Variants in PARP8 observed in about 807,000 individuals in gnomAD.
The protein encoded by PARP8 is protein mono-ADP-ribosyltransferase PARP8.
PARP8 carries 51 observed loss-of-function variants against 124.1 expected under a neutral mutation model. The observed-to-expected ratio is 0.41, with a 90% CI of 0.33 to 0.52. The LOEUF (loss-of-function observed/expected upper bound fraction) is 0.52, where lower values mean the gene tolerates loss of function less well. Ranked by LOEUF, PARP8 falls within the 20% of genes least tolerant of loss-of-function variation. The probability of loss-of-function intolerance (pLI) is 0.21; values close to 1 mark genes in which losing one functional copy is unlikely to be tolerated. For synonymous variants in PARP8, 391 were observed against 361.5 expected (o/e 1.08, Z -0.93); for missense variants, 860 against 1,018.9 (o/e 0.84, Z 2.12).
chr5:50,809,467 A>G (rs908056527), intron 14 of PARP8, among the ~76,000 whole-genome samples: 2 of 152,066 alleles, frequency 1.3e-5, no homozygotes, highest in African/African-American at 4.8e-5. Context: ...TTCAAAGAAA[A>G]CTATTTTTTA....
chr5:50,719,659 T>G (rs535177266), intron 2 of PARP8, among the ~76,000 whole-genome samples: 2 of 152,172 alleles, frequency 1.3e-5, no homozygotes, highest in South Asian at 4.1e-4. Context: ...TATTTCTGGG[T>G]TCCCTATTCC....
At chr5:50,781,610 C>T (rs1194122888) in intron 9 of PARP8, among the ~76,000 whole-genome samples, 1 of 152,198 alleles carries the variant, frequency 6.6e-6, no homozygotes, top group Non-Finnish European at 1.5e-5. Flanking sequence ...GCTCCCATCC[C>T]CATTTCTGCA....
In PARP8 at chr5:50,797,125, C is replaced by T. The variant is rs755751399; in HGVS notation, c.1480-13C>T. The T allele has an allele frequency of 6.2e-7, 1 of 1,609,976 alleles. No individual in the cohort carries two copies. On this transcript the variant is annotated splice_polypyrimidine_tract_variant and intron_variant, in intron 13 of 25. Coordinates refer to ENST00000281631, the MANE Select transcript of PARP8 (RefSeq NM_024615.4). ...AGCTTGTCTTAATTATTTTTCCTTA[C>T]TGTTTTATTCAGACAATTGAGTTTG...
At chr5:50,707,658 AGAGAG>A (rs1233888385) in intron 2 of PARP8, among the ~76,000 whole-genome samples, 12 of 151,554 alleles carry the variant, frequency 7.9e-5, no homozygotes, top group Admixed American at 6.6e-4. Flanking sequence ...AGAGAGAGAG[AGAGAG>A]AAAATGCCAG....
chr5:50,735,962 C>G (rs952738768), intron 2 of PARP8, among the ~76,000 whole-genome samples: 17 of 150,110 alleles, frequency 1.1e-4, no homozygotes, highest in Admixed American at 8.7e-4. Flanking sequence ...GGATTCCCCC[C>G]CCCCCTTTTA....
rs995560002 is a variant in PARP8, at chr5:50,668,106, T to A, written c.127T>A (p.Tyr43Asn). The A allele has an allele frequency of 6.2e-7, 1 of 1,611,642 alleles. No homozygotes were observed. Residue 43 changes from tyrosine (Y) to asparagine (N), a missense_variant, in exon 2 of 26, where the codon TAC becomes AAC. This residue lies in a region of PARP8 where 517 missense variants were observed against 544.2 expected (regional missense o/e 0.95). Coordinates refer to ENST00000281631, the MANE Select transcript of PARP8 (RefSeq NM_024615.4). ...RYSDSTFTFT[Y>N]VGGPRSVSYS... ...CTCTGACTCCACCTTTACTTTTACC[T>A]ACGTTGGCGGCCCCAGAAGGTATTT... is the stretch of plus-strand genomic sequence containing the variant.
intron 23 of PARP8, 30 bp from the exon 24 acceptor site, chr5:50,833,949 C>T: frequency 6.3e-7 from 1 of 1,581,552 alleles, no homozygotes; most frequent in South Asian, 1.1e-5. Flanking sequence ...TTCATTCTGA[C>T]TCTAAGTTTT....
chr5:50,667,142 T>C lies in PARP8; in HGVS notation c.47T>C (p.Val16Ala), dbSNP rs769442781. Residue 16 changes from valine (V) to alanine (A), a missense_variant, in exon 1 of 26, where the codon GTC (valine) becomes GCC (alanine). By Grantham distance (64) the Val-to-Ala change is moderately conservative (BLOSUM62 0). Transcript: ENST00000281631. ...GAGCGAATTCAGAAGGATATCGACG[T>C]CGTGATCCAGAAGTCCAGAGCTGAG... ...RQERIQKDIDVVIQKSRAEKD... is the reference protein window; with the variant it reads ...RQERIQKDIDAVIQKSRAEKD... 6.3e-7 allele frequency: 1 copy of C among 1,596,342 alleles called. No homozygotes were observed. The highest frequency in any genetic ancestry group is 1.7e-5 in the Admixed American group (1 of 60,014).
At chr5:50,721,339 G>C (rs1755859454) in intron 2 of PARP8, among the ~76,000 whole-genome samples, 4 of 152,094 alleles carry the variant, frequency 2.6e-5, no homozygotes, top group African/African-American at 9.7e-5. Flanking sequence ...ACCCCAGGTA[G>C]AGTTTGTAAT....
intron 10 of PARP8, among the ~76,000 whole-genome samples, chr5:50,792,273 T>C (rs1463433185): frequency 6.6e-6 from 1 of 152,162 alleles, no homozygotes; most frequent in East Asian, 1.9e-4. Context: ...GTGGTTGTTA[T>C]ACCAAATGTG....
At chr5:50,678,363 A>G (rs928993837) in intron 2 of PARP8, among the ~76,000 whole-genome samples, 3 of 152,192 alleles carry the variant, frequency 2.0e-5, no homozygotes, top group African/African-American at 4.8e-5. Context: ...TCACACACAC[A>G]TAACATGTAC....
At chr5:50,687,507 G>A (rs1752000019) in intron 2 of PARP8, among the ~76,000 whole-genome samples, 1 of 152,106 alleles carries the variant, frequency 6.6e-6, no homozygotes, top group Non-Finnish European at 1.5e-5. Flanking sequence ...ACATTTTTGG[G>A]TATCTTTTCA....
rs1410491911 is a variant in PARP8, at chr5:50,744,809, C to T, written c.147-5342C>T. 1.2e-5 allele frequency: 8 copies of T among 690,754 alleles called. No homozygotes were observed. The East Asian group carries it at 1.9e-4, about 16-fold the overall frequency. The allele number at this position is 690,754 out of a possible 1,614,324, so 42.8% of individuals were successfully genotyped here. A position where few individuals can be genotyped will look rare whatever the true frequency, so the allele number is the denominator to read the frequency against. ...TTTTAAAAGGAATTCAGAACTTGCT[C>T]TAGATTTTGCTTTCTTCTCATGTCC... is the stretch of plus-strand genomic sequence containing the variant. On this transcript the variant is annotated intron_variant, in intron 2 of 25. Transcript: ENST00000281631.
chr5:50,740,511 G>T (rs1041043400), intron 2 of PARP8, among the ~76,000 whole-genome samples: 1 of 152,118 alleles, frequency 6.6e-6, no homozygotes, highest in East Asian at 1.9e-4. Context: ...AAGGTCTTGC[G>T]GGGGCTTTAG....
chr5:50,813,286 T>C (rs989792401), intron 14 of PARP8, among the ~76,000 whole-genome samples: 12 of 152,314 alleles, frequency 7.9e-5, no homozygotes, highest in African/African-American at 2.6e-4. Flanking sequence ...TGGTTTGTAG[T>C]TCTCCTTGAA....
chr5:50,760,469 G>T (rs765784524), intron 5 of PARP8, 107 bp downstream of exon 5: 34 of 917,386 alleles, frequency 3.7e-5, no homozygotes, highest in Non-Finnish European at 4.7e-5. Context: ...ATGGTATATG[G>T]TGAATGAAAC....
chr5:50,758,426 C>T (rs1760194419), intron 3 of PARP8, among the ~76,000 whole-genome samples: 1 of 152,150 alleles, frequency 6.6e-6, no homozygotes, highest in Non-Finnish European at 1.5e-5. Context: ...ATACAGATCA[C>T]TATCATTCAC....
At chr5:50,805,111 G>A (rs1219907227) in intron 14 of PARP8, among the ~76,000 whole-genome samples, 11 of 152,210 alleles carry the variant, frequency 7.2e-5, no homozygotes, top group African/African-American at 2.6e-4. Flanking sequence ...ATTTTATAGA[G>A]AGGTGGAAGT....
At chr5:50,735,574 T>C (rs1336726639) in intron 2 of PARP8, among the ~76,000 whole-genome samples, 1 of 152,180 alleles carries the variant, frequency 6.6e-6, no homozygotes, top group Non-Finnish European at 1.5e-5. Flanking sequence ...AGGTTGTTTA[T>C]CTTTGATAAG....
Sources: allele counts gnomAD v4.1 joint callset (sites outside exome capture counted in the v4.1 genomes callset), GRCh38; gene constraint gnomAD v4.1.1; regional missense constraint gnomAD v4.1.1; transcripts MANE v1.5; gene names NCBI Gene and HGNC (gene_info 2026-07-23, HGNC 2026-07-21).